Variants in SLC15A1 observed in about 807,000 individuals in gnomAD.
SLC15A1 encodes the protein Caco-2 oligopeptide transporter.
A neutral mutation model predicts 92.9 loss-of-function variants in SLC15A1; 83 were observed. The ratio of observed to expected loss-of-function variants is 0.89; its 90% CI spans 0.75 to 1.07. SLC15A1 has a LOEUF of 1.07. SLC15A1 is among the 50% of genes least tolerant of loss of function. The probability of loss-of-function intolerance (pLI) is 0.00; values close to 1 mark genes in which losing one functional copy is unlikely to be tolerated. For missense variants in SLC15A1, 857 were observed against 880.1 expected, an observed-to-expected ratio of 0.97 and a Z score of 0.33; for synonymous variants, 322 against 318.2, an observed-to-expected ratio of 1.01 and a Z score of -0.13.
At chr13:98,748,467 ATT>A (rs888742290) in intron 1 of SLC15A1, among the ~76,000 whole-genome samples, 3 of 151,582 alleles carry the variant, frequency 2.0e-5, no homozygotes, top group African/African-American at 7.3e-5. Context: ...ATATTTTTGT[ATT>A]TTTTTTGTGG....
chr13:98,734,606 T>C (rs758410586), intron 1 of SLC15A1, among the ~76,000 whole-genome samples: 2 of 151,928 alleles, frequency 1.3e-5, no homozygotes, highest in Non-Finnish European at 2.9e-5. Flanking sequence ...TCTTAGCAAA[T>C]GGCACACCAG....
chr13:98,752,442 G>A (rs1212970392), intron 1 of SLC15A1, among the ~76,000 whole-genome samples, 153 bp downstream of exon 1: 2 of 151,970 alleles, frequency 1.3e-5, no homozygotes, highest in Non-Finnish European at 2.9e-5. Context: ...GGGGATCCCG[G>A]GCGCCCCGCA....
Position 98,722,008 on chromosome 13 carries a change from G to T in SLC15A1, c.366-105C>A. 2.3e-6 allele frequency: 2 copies of T among 861,350 alleles called. 1 individual carries two copies. Among genetic ancestry groups the T allele is most frequent in the Non-Finnish European group, 3.6e-6 (2 of 560,792 alleles). 53.4% of individuals were successfully genotyped at this position (861,350 alleles called of 1,614,324 possible). On this transcript the variant is annotated intron_variant, in intron 5 of 22. Transcript: ENST00000376503. Reference sequence around the variant, plus strand: ...TGGGCCTGGCATAGTGACACACATAGAGAAGAAGACAATCTCGCGAGAAGC... The same window carrying T: ...TGGGCCTGGCATAGTGACACACATATAGAAGAAGACAATCTCGCGAGAAGC...
At chr13:98,741,502 G>A (rs1313935795) in intron 1 of SLC15A1, among the ~76,000 whole-genome samples, 1 of 151,998 alleles carries the variant, frequency 6.6e-6, no homozygotes, top group Admixed American at 6.6e-5. Context: ...TTGGGAGGTC[G>A]AGGCAGGTGG....
chr13:98,726,449 T>A lies in SLC15A1; in HGVS notation c.22A>T (p.Ser8Cys). The change falls in exon 3 of 23, where the codon AGT becomes TGT. Residue 8 changes from serine (S) to cysteine (C), a missense_variant and splice_region_variant. Transcript: ENST00000376503. MGMSKSH[S>C]FFGYPLSIFF... is the part of the protein sequence containing the mutation. ...ATGCTCAGGGGATAACCAAAGAAACTCTGACAAAAAAGAAACAAGCACAGG... is the reference window on the plus strand; with the variant it reads ...ATGCTCAGGGGATAACCAAAGAAACACTGACAAAAAAGAAACAAGCACAGG... The A allele has an allele frequency of 6.2e-7, 1 of 1,613,270 alleles. No homozygotes were observed. Among genetic ancestry groups the A allele is most frequent in the African/African-American group, 1.3e-5 (1 of 74,882 alleles).
chr13:98,721,096 T>G, intron 7 of SLC15A1: 1 of 479,176 alleles, frequency 2.1e-6, no homozygotes, highest in Non-Finnish European at 4.3e-6. Flanking sequence ...TTTTGCCCAG[T>G]AAACTCTTCC....
At chr13:98,706,668 T>C (rs369605414) in intron 15 of SLC15A1, among the ~76,000 whole-genome samples, 1 of 152,198 alleles carries the variant, frequency 6.6e-6, no homozygotes, top group East Asian at 1.9e-4. Context: ...CCTGCAGCCA[T>C]GCAAGATGTG....
chr13:98,732,370 T>A (rs1457460254), intron 1 of SLC15A1, among the ~76,000 whole-genome samples: 1 of 152,170 alleles, frequency 6.6e-6, no homozygotes. Flanking sequence ...TTCTTGCTAT[T>A]CTAGGCCCAG....
At chr13:98,709,513 C>T (rs2139580175) in intron 14 of SLC15A1, 59 bp downstream of exon 14, 3 of 1,399,352 alleles carry the variant, frequency 2.1e-6, no homozygotes, top group Middle Eastern at 1.8e-4. Context: ...GAGCGCAGCC[C>T]ATCTGCAAAG....
intron 1 of SLC15A1, among the ~76,000 whole-genome samples, chr13:98,741,250 T>G (rs1566459645): frequency 6.6e-6 from 1 of 152,226 alleles, no homozygotes; most frequent in Non-Finnish European, 1.5e-5. Context: ...GTCCTCCTGC[T>G]GGGACCGCCA....
rs140042083 is a variant in SLC15A1, at chr13:98,686,250, G to T, written c.1875C>A (p.Thr625=). 2 of 1,613,426 alleles carry T rather than the reference G, an allele frequency of 1.2e-6. No homozygotes were observed. The highest frequency in any genetic ancestry group is 2.2e-5 in the South Asian group (2 of 90,844). ...GCACAATGATGTTGCCAACAGCCAC[G>T]GTCAGCAGCCATCCTGCCTGAAGCA... ...KSVLQAGWLL[T]VAVGNIIVLI... The change falls in exon 22 of 23, where the codon ACC becomes ACA. Residue 625 remains threonine, a synonymous_variant. Transcript: ENST00000376503.
intron 15 of SLC15A1, among the ~76,000 whole-genome samples, chr13:98,706,699 CTG>C (rs1463229588): frequency 6.6e-6 from 1 of 152,202 alleles, no homozygotes; most frequent in Non-Finnish European, 1.5e-5. Context: ...TCTGCCATGA[CTG>C]TGACGCTTCC....
intron 3 of SLC15A1, 50 bp from the exon 4 acceptor site, chr13:98,726,314 G>A: frequency 6.3e-7 from 1 of 1,597,306 alleles, no homozygotes; most frequent in Non-Finnish European, 8.5e-7. Flanking sequence ...GTTAGGACTG[G>A]TTATGGCCAC....
At chr13:98,732,242 C>T (rs2088356923) in intron 1 of SLC15A1, among the ~76,000 whole-genome samples, 1 of 152,166 alleles carries the variant, frequency 6.6e-6, no homozygotes, top group South Asian at 2.1e-4. Context: ...TCTAGTATTA[C>T]TCTGGGGTCC....
intron 4 of SLC15A1, among the ~76,000 whole-genome samples, chr13:98,724,664 G>A (rs2088285233): frequency 6.6e-6 from 1 of 152,064 alleles, no homozygotes; most frequent in Non-Finnish European, 1.5e-5. Flanking sequence ...AGTAGAGACG[G>A]GGGTTTCACC....
chr13:98,688,120 C>A lies in SLC15A1; in HGVS notation c.1683+128G>T, dbSNP rs76672472. The A allele has an allele frequency of 5.3e-3, 3,541 of 662,782 alleles. 95 individuals carry two copies. The African/African-American group carries it at 0.058, about 11-fold the overall frequency. The allele number at this position is 662,782 out of a possible 1,614,324, so 41.1% of individuals were successfully genotyped here. A position where few individuals can be genotyped will look rare whatever the true frequency, so the allele number is the denominator to read the frequency against. ...AAAGAATTAGCCAAGCAAATTAATTCTAAGCCCATTTAAAATACAGATCCT... is the reference window on the plus strand; with the variant it reads ...AAAGAATTAGCCAAGCAAATTAATTATAAGCCCATTTAAAATACAGATCCT... On this transcript the variant is annotated intron_variant, in intron 20 of 22. Coordinates refer to ENST00000376503, the MANE Select transcript of SLC15A1 (RefSeq NM_005073.4).
intron 1 of SLC15A1, among the ~76,000 whole-genome samples, chr13:98,732,513 C>G (rs1423674813): frequency 6.6e-6 from 1 of 152,092 alleles, no homozygotes; most frequent in South Asian, 2.1e-4. Context: ...CTCTTCCGCA[C>G]GACTCAATAA....
intron 1 of SLC15A1, among the ~76,000 whole-genome samples, chr13:98,739,736 A>G (rs750171336): frequency 6.6e-6 from 1 of 152,214 alleles, no homozygotes; most frequent in Non-Finnish European, 1.5e-5. Flanking sequence ...ACCCGGTTTC[A>G]TGTATTTCTT....
chr13:98,707,891 T>TTTAAAAAAAAAAAAA (rs1315915894), intron 15 of SLC15A1, among the ~76,000 whole-genome samples: 1 of 106,852 alleles, frequency 9.4e-6, no homozygotes, highest in African/African-American at 4.0e-5. Flanking sequence ...AGACCCTGTT[T>TTTAAAAAAAAAAAAA]AAAAAAAAAA....
Sources: gnomAD v4.1 joint callset for allele counts (sites outside exome capture counted in the v4.1 genomes callset) on GRCh38, gnomAD v4.1.1 for gene constraint, MANE v1.5 for transcripts, NCBI Gene and HGNC (gene_info 2026-07-23, HGNC 2026-07-21) for gene names.